The following NCKAP5 variants were observed in gnomAD, a reference collection of about 807,000 sequenced individuals.
NCKAP5 encodes the protein nck-associated protein 5.
Under a neutral mutation model 167.0 loss-of-function variants are expected in NCKAP5, and 92 were observed. That is an observed-to-expected ratio of 0.55 (90% CI 0.47 to 0.66). The LOEUF (loss-of-function observed/expected upper bound fraction) is 0.66. Ranked by LOEUF, NCKAP5 falls within the 30% of genes least tolerant of loss-of-function variation. The pLI is 0.00. For synonymous variants in NCKAP5, 891 were observed against 877.4 expected (o/e 1.02, Z -0.27); for missense variants, 2,378 against 2,315.0 (o/e 1.03, Z -0.56).
At chr2:133,143,947 C>G (rs2083093459) in intron 5 of NCKAP5, among the ~76,000 whole-genome samples, 1 of 152,070 alleles carries the variant, frequency 6.6e-6, no homozygotes, top group Admixed American at 6.6e-5. Flanking sequence ...GAGTTTCTTT[C>G]CTGGTCTAGT....
At chr2:132,812,169 T>G (rs1450640897) in intron 11 of NCKAP5, among the ~76,000 whole-genome samples, 3 of 152,180 alleles carry the variant, frequency 2.0e-5, no homozygotes, top group Non-Finnish European at 4.4e-5. Context: ...GCAGGGTCTG[T>G]GAGTCCTCTC....
intron 6 of NCKAP5, among the ~76,000 whole-genome samples, chr2:133,063,949 C>T (rs2080100275): frequency 6.6e-6 from 1 of 152,114 alleles, no homozygotes; most frequent in Non-Finnish European, 1.5e-5. Flanking sequence ...TCTAGTGAAC[C>T]CCTTGCTCCT....
At chr2:133,626,529 G>A in the NCKAP5 span, among the ~76,000 whole-genome samples, 1 of 121,176 alleles carries the variant, frequency 8.3e-6, no homozygotes, top group African/African-American at 4.3e-5. Context: ...TGAACAAATT[G>A]CAATTTATTT....
At chr2:133,459,342 A>G (rs1185624519) in intron 3 of NCKAP5, among the ~76,000 whole-genome samples, 1 of 152,024 alleles carries the variant, frequency 6.6e-6, no homozygotes, top group African/African-American at 2.4e-5. Context: ...ATTTCGCCCA[A>G]ATTGAGAGGT....
At chr2:132,936,342 C>T (rs538820820) in intron 8 of NCKAP5, among the ~76,000 whole-genome samples, 2 of 152,266 alleles carry the variant, frequency 1.3e-5, no homozygotes, top group South Asian at 2.1e-4. Context: ...TCCAAACTAA[C>T]AAGGAGCTGA....
At chr2:132,804,164 C>T (rs1263373755) in intron 11 of NCKAP5, among the ~76,000 whole-genome samples, 1 of 152,146 alleles carries the variant, frequency 6.6e-6, no homozygotes, top group Non-Finnish European at 1.5e-5. Flanking sequence ...TTAAGGCTCC[C>T]ATGGCAGGCC....
the NCKAP5 span, among the ~76,000 whole-genome samples, chr2:133,662,902 A>G: frequency 6.6e-6 from 1 of 151,724 alleles, no homozygotes; most frequent in Non-Finnish European, 1.5e-5. Context: ...ACTATGCTAC[A>G]GTCTTTTAAG....
intron 8 of NCKAP5, among the ~76,000 whole-genome samples, chr2:132,909,308 T>C (rs1453768159): frequency 6.6e-6 from 1 of 152,168 alleles, no homozygotes; most frequent in Non-Finnish European, 1.5e-5. Context: ...ATGGCACCAC[T>C]GTACTCCAGC....
chr2:133,308,077 CTATT>C (rs1428802840), intron 3 of NCKAP5, among the ~76,000 whole-genome samples: 24 of 118,318 alleles, frequency 2.0e-4, no homozygotes, highest in African/African-American at 6.9e-4. Flanking sequence ...AATTATTGTT[CTATT>C]TTTTTTTTTT....
At chr2:133,298,485 G>A (rs1680120840) in intron 4 of NCKAP5, among the ~76,000 whole-genome samples, 1 of 152,106 alleles carries the variant, frequency 6.6e-6, no homozygotes, top group South Asian at 2.1e-4. Flanking sequence ...GCCTGAAATG[G>A]AATTTTAATT....
chr2:133,238,472 G>A (rs369365141), intron 4 of NCKAP5, among the ~76,000 whole-genome samples: 45 of 152,238 alleles, frequency 3.0e-4, no homozygotes, highest in African/African-American at 1.0e-3. Context: ...TGAGAAAGAA[G>A]CTCCTTCATG....
chr2:133,170,406 T>C (rs916263847), intron 5 of NCKAP5, among the ~76,000 whole-genome samples: 1 of 152,140 alleles, frequency 6.6e-6, no homozygotes, highest in African/African-American at 2.4e-5. Flanking sequence ...TGTGCAGAAA[T>C]GGTGTGTCAT....
chr2:133,142,710 T>C (rs2083046036), intron 5 of NCKAP5, among the ~76,000 whole-genome samples: 1 of 152,218 alleles, frequency 6.6e-6, no homozygotes, highest in Non-Finnish European at 1.5e-5. Context: ...GTGCTTGAGG[T>C]CACTAAGTCC....
chr2:132,823,297 G>A (rs1686893145), intron 11 of NCKAP5, among the ~76,000 whole-genome samples: 1 of 152,086 alleles, frequency 6.6e-6, no homozygotes, highest in Non-Finnish European at 1.5e-5. Flanking sequence ...AGAGCTGTGA[G>A]ACAAAACCAT....
At chr2:133,656,598 G>A in the NCKAP5 span, among the ~76,000 whole-genome samples, 1 of 152,114 alleles carries the variant, frequency 6.6e-6, no homozygotes, top group African/African-American at 2.4e-5. Flanking sequence ...CCACTTCCCT[G>A]CTTCAGAGCT....
At chr2:133,384,868 A>T (rs1221806710) in intron 3 of NCKAP5, among the ~76,000 whole-genome samples, 3 of 152,314 alleles carry the variant, frequency 2.0e-5, no homozygotes, top group South Asian at 4.1e-4. Flanking sequence ...GGTGTATAAT[A>T]ATGCTTGTGA....
chr2:133,283,200 AATGG>A (rs1207270426), intron 4 of NCKAP5, among the ~76,000 whole-genome samples: 1 of 152,216 alleles, frequency 6.6e-6, no homozygotes, highest in Non-Finnish European at 1.5e-5. Context: ...AAGGGATGAA[AATGG>A]ATACAATGAA....
At chr2:133,091,316 C>T (rs1411432784) in intron 6 of NCKAP5, among the ~76,000 whole-genome samples, 1 of 152,170 alleles carries the variant, frequency 6.6e-6, no homozygotes, top group African/African-American at 2.4e-5. Flanking sequence ...GGAAACCTTT[C>T]CTGTCCCTCT....
chr2:132,709,959 A>C (rs188252495), intron 19 of NCKAP5, among the ~76,000 whole-genome samples: 1 of 152,184 alleles, frequency 6.6e-6, no homozygotes, highest in Non-Finnish European at 1.5e-5. Context: ...TAATAAATCA[A>C]TATAGATACA....
Sources: gnomAD v4.1 joint callset for allele counts (sites outside exome capture counted in the v4.1 genomes callset) on GRCh38, gnomAD v4.1.1 for gene constraint, MANE v1.5 for transcripts, NCBI Gene and HGNC (gene_info 2026-07-23, HGNC 2026-07-21) for gene names.